The following MR1 variants were observed in gnomAD, a reference collection of about 807,000 sequenced individuals.
MR1 encodes the protein major histocompatibility complex, class I-related, also known as major histocompatibility complex class I-related protein 1.
Under a neutral mutation model 37.8 loss-of-function variants are expected in MR1, and 44 were observed. The observed-to-expected ratio is 1.16, with a 90% CI of 0.91 to 1.50. The LOEUF is 1.50. MR1 is among the 40% of genes most tolerant of loss of function. The pLI is 0.00. For synonymous variants in MR1, 153 were observed against 155.8 expected, an observed-to-expected ratio of 0.98 and a Z score of 0.13; for missense variants, 386 against 419.1, an observed-to-expected ratio of 0.92 and a Z score of 0.69.
chr1:181,043,941 ATT>A (rs5779078), intron 1 of MR1, among the ~76,000 whole-genome samples: 46 of 128,398 alleles, frequency 3.6e-4, no homozygotes, highest in Admixed American at 5.7e-4. Context: ...TTGTGAGCTG[ATT>A]TTTTTTTTTT....
In MR1 at chr1:181,053,632, G is replaced by A. The variant is rs763084873; in HGVS notation, c.940G>A (p.Val314Met). The part of the protein sequence containing the change: ...AVSGSIVLVI[V>M]LAGVGVLVWR... ...CTCTGGGTCCATTGTCCTTGTCATT[G>A]TGCTGGCTGGAGTTGGTGTTCTAGT... The change falls in exon 5 of 6, where the codon GTG (valine) becomes ATG (methionine). Residue 314 changes from valine to methionine, a missense_variant. Transcript: ENST00000367580. 5 of 1,613,954 alleles carry A rather than the reference G, an allele frequency of 3.1e-6. No individual in the cohort carries two copies. The highest frequency in any genetic ancestry group is 4.5e-5 in the East Asian group (2 of 44,888).
At chr1:181,047,201 T>C (rs939552131) in intron 1 of MR1, among the ~76,000 whole-genome samples, 4 of 152,190 alleles carry the variant, frequency 2.6e-5, no homozygotes, top group African/African-American at 4.8e-5. Context: ...TTTGGTTTAC[T>C]TTTAACCCTT....
intron 1 of MR1, among the ~76,000 whole-genome samples, chr1:181,046,251 G>A (rs1475799222): frequency 1.3e-5 from 2 of 152,260 alleles, no homozygotes; most frequent in Non-Finnish European, 2.9e-5. Flanking sequence ...TCCACCTGCA[G>A]CCCCAGTGGG....
rs995180300 is a variant in MR1, at chr1:181,056,034, T to G, written c.*769T>G. On this transcript the variant is annotated 3_prime_UTR_variant, in exon 6 of 6. Transcript: ENST00000367580. ...GACATATCATCACCTCCAGTGGAAC[T>G]ACAGAGACCTGGACCCAGCTGCACT... The G allele has an allele frequency of 1.3e-5, 2 of 152,162 alleles. No individual in the cohort carries two copies. The highest frequency in any genetic ancestry group is 4.8e-5 in the African/African-American group (2 of 41,416). The allele number at this position is 152,162 out of a possible 1,614,324, so 9.4% of individuals were successfully genotyped here.
intron 1 of MR1, among the ~76,000 whole-genome samples, chr1:181,045,899 G>T (rs1657829331): frequency 6.6e-6 from 1 of 152,232 alleles, no homozygotes; most frequent in Admixed American, 6.5e-5. Flanking sequence ...TTCCAAGTGG[G>T]CGTGGGCTTG....
At chr1:181,044,424 T>C (rs1218745756) in intron 1 of MR1, among the ~76,000 whole-genome samples, 1 of 152,072 alleles carries the variant, frequency 6.6e-6, no homozygotes, top group Non-Finnish European at 1.5e-5. Flanking sequence ...GGGTGGGCAA[T>C]CTGGAAAGAC....
chr1:181,035,364 T>C (rs1164586388), intron 1 of MR1, among the ~76,000 whole-genome samples: 1 of 152,046 alleles, frequency 6.6e-6, no homozygotes, highest in Non-Finnish European at 1.5e-5. Context: ...ATATTAATTG[T>C]TCAAATATTG....
At chr1:181,040,459 G>C (rs1452899153) in intron 1 of MR1, among the ~76,000 whole-genome samples, 1 of 152,142 alleles carries the variant, frequency 6.6e-6, no homozygotes, top group East Asian at 1.9e-4. Flanking sequence ...CATCTTTTCT[G>C]TTGTGAGTTA....
rs77339901 is a variant in MR1 at position 181,041,486 on chromosome 1, T to C, written c.67+7412T>C. ...TTTTTCTTCCTTCTTTTTTCTCCTC[T>C]CCACATTCTCTGTCTGGAGTCTGCT... On this transcript the variant is annotated intron_variant, in intron 1 of 5. Transcript: ENST00000367580. Among the ~76,000 whole-genome samples, 581 of 152,298 alleles carry C rather than the reference T, an allele frequency of 3.8e-3. 30 individuals carry two copies. In the East Asian group the frequency reaches 0.099, roughly 26 times the overall value.
intron 4 of MR1, among the ~76,000 whole-genome samples, chr1:181,052,815 C>G (rs906223866): frequency 2.6e-5 from 4 of 152,130 alleles, no homozygotes; most frequent in South Asian, 2.1e-4. Context: ...GCCTGTAATC[C>G]CAGCACTTTG....
chr1:181,052,476 C>T lies in MR1; in HGVS notation c.846C>T (p.His282=). The part of the protein sequence containing the change: ...SSNLYSCHVE[H]CGVHMVLQVP... ...ACCTTTACTCCTGTCATGTGGAGCACTGCGGTGTCCACATGGTTCTTCAGG... is the reference window on the plus strand; with the variant it reads ...ACCTTTACTCCTGTCATGTGGAGCATTGCGGTGTCCACATGGTTCTTCAGG... The change falls in exon 4 of 6, where the codon CAC becomes CAT. Residue 282 remains histidine (H), a synonymous_variant. Coordinates refer to ENST00000367580, the MANE Select transcript of MR1 (RefSeq NM_001385161.1). 1.9e-6 allele frequency: 3 copies of T among 1,614,008 alleles called. No individual in the cohort carries two copies. Among genetic ancestry groups the T allele is most frequent in the Admixed American group, 1.7e-5 (1 of 60,022 alleles).
chr1:181,054,301 A>G (rs761044671), intron 5 of MR1, among the ~76,000 whole-genome samples: 5 of 152,224 alleles, frequency 3.3e-5, no homozygotes, highest in Non-Finnish European at 5.9e-5. Flanking sequence ...TTGCTGGGAT[A>G]TAACAATGAA....
chr1:181,034,650 G>A (rs1657177552), intron 1 of MR1, among the ~76,000 whole-genome samples: 1 of 151,600 alleles, frequency 6.6e-6, no homozygotes, highest in African/African-American at 2.4e-5. Flanking sequence ...CCTCAAATAG[G>A]GGAAAGGGCC....
At chr1:181,033,883 C>A, upstream of MR1, 1 of 650,112 alleles carries the variant, frequency 1.5e-6, no homozygotes, top group Non-Finnish European at 2.5e-6. Context: ...TTTTTTTAAC[C>A]TAGCAACTGA....
chr1:181,047,482 T>C (rs1371876365), intron 1 of MR1, among the ~76,000 whole-genome samples: 1 of 151,952 alleles, frequency 6.6e-6, no homozygotes, highest in Non-Finnish European at 1.5e-5. Context: ...ACCTGTAATC[T>C]CAGCTACTCA....
chr1:181,050,466 G>A, intron 3 of MR1, 180 bp downstream of exon 3: 1 of 687,846 alleles, frequency 1.5e-6, no homozygotes, highest in Non-Finnish European at 2.4e-6. Context: ...GCAGCATCTT[G>A]ACAAGATTTG....
chr1:181,046,730 C>T (rs370259152), intron 1 of MR1, among the ~76,000 whole-genome samples: 7 of 152,152 alleles, frequency 4.6e-5, no homozygotes, highest in Non-Finnish European at 1.0e-4. Context: ...CCTGCTGCTG[C>T]TCACTCTTTG....
chr1:181,034,148 A>T (rs1489053978), intron 1 of MR1, 74 bp downstream of exon 1: 19 of 1,455,842 alleles, frequency 1.3e-5, no homozygotes, highest in Non-Finnish European at 1.7e-5. Context: ...TTTCTTCCTA[A>T]AACTTGTGGT....
At chr1:181,044,010 C>A (rs1657717094) in intron 1 of MR1, among the ~76,000 whole-genome samples, 1 of 130,578 alleles carries the variant, frequency 7.7e-6, no homozygotes, top group African/African-American at 2.9e-5. Flanking sequence ...GTCGCCCAGG[C>A]TGGAGTGCAG....
Sources: allele counts gnomAD v4.1 joint callset (sites outside exome capture counted in the v4.1 genomes callset), GRCh38; gene constraint gnomAD v4.1.1; transcripts MANE v1.5; gene names NCBI Gene and HGNC (gene_info 2026-07-23, HGNC 2026-07-21).